ADGRB3: variants seen among roughly 807,000 people sequenced by gnomAD.
ADGRB3 encodes the protein adhesion G protein-coupled receptor B3, also known as brain-specific angiogenesis inhibitor 3.
In ADGRB3, 37 loss-of-function variants were observed where a neutral mutation model predicts 193.4. That is an observed-to-expected ratio of 0.19 (90% CI 0.15 to 0.25). The LOEUF (loss-of-function observed/expected upper bound fraction) is 0.25, where lower values mean the gene tolerates loss of function less well. Ranked by LOEUF, ADGRB3 falls within the 10% of genes least tolerant of loss-of-function variation. The pLI, the probability that ADGRB3 is intolerant of heterozygous loss-of-function variation, is 1.00. For synonymous variants in ADGRB3, 690 were observed against 644.2 expected (o/e 1.07, Z -1.08); for missense variants, 1,637 against 1,852.9 (o/e 0.88, Z 2.14).
chr6:68,660,702 T>C (rs1443171564), intron 3 of ADGRB3, among the ~76,000 whole-genome samples: 1 of 151,180 alleles, frequency 6.6e-6, no homozygotes, highest in African/African-American at 2.4e-5. Flanking sequence ...TCTAGCTAAA[T>C]GCTTCAATTA....
intron 3 of ADGRB3, among the ~76,000 whole-genome samples, chr6:68,801,936 AC>A (rs2127371389): frequency 1.3e-5 from 2 of 152,300 alleles, no homozygotes; most frequent in South Asian, 4.1e-4. Flanking sequence ...GACTTATGAG[AC>A]TTAGAGGAGA....
chr6:69,189,396 CT>C (rs1167997168), intron 17 of ADGRB3, among the ~76,000 whole-genome samples: 1 of 152,118 alleles, frequency 6.6e-6, no homozygotes, highest in African/African-American at 2.4e-5. Flanking sequence ...CACATTGATG[CT>C]GTTTCATATT....
chr6:68,786,457 T>C (rs1424969858), intron 3 of ADGRB3, among the ~76,000 whole-genome samples: 1 of 152,204 alleles, frequency 6.6e-6, no homozygotes, highest in African/African-American at 2.4e-5. Context: ...AAAGATCAGA[T>C]AGTTGTAGAT....
chr6:68,926,752 GT>G (rs140808974), intron 3 of ADGRB3, among the ~76,000 whole-genome samples: 5,135 of 152,138 alleles, frequency 0.034, 261 homozygotes, highest in African/African-American at 0.12. Flanking sequence ...ATGTGTTTGT[GT>G]TTTAACTTTT....
chr6:69,292,808 C>T (rs528867683), intron 20 of ADGRB3, among the ~76,000 whole-genome samples: 21 of 152,042 alleles, frequency 1.4e-4, no homozygotes, highest in African/African-American at 2.4e-4. Flanking sequence ...CATGCTGGTG[C>T]GCTGCACCCA....
chr6:68,832,071 T>G (rs527607212), intron 3 of ADGRB3, among the ~76,000 whole-genome samples: 3 of 152,314 alleles, frequency 2.0e-5, no homozygotes, highest in Admixed American at 6.5e-5. Context: ...TTCATTTTAA[T>G]TACTTGTACA....
chr6:69,368,407 T>C (rs1410701), intron 29 of ADGRB3, among the ~76,000 whole-genome samples: 115,053 of 152,012 alleles, frequency 0.76, 44,773 homozygotes, highest in East Asian at 0.95. Flanking sequence ...ATAGAACAGA[T>C]GGCACATGCT....
At chr6:68,991,482 C>T (rs916273947) in intron 10 of ADGRB3, among the ~76,000 whole-genome samples, 4 of 151,408 alleles carry the variant, frequency 2.6e-5, no homozygotes, top group Admixed American at 2.6e-4. Flanking sequence ...GGTAGGAAGT[C>T]AGGTAAGACC....
At chr6:68,815,635 GT>G (rs1562041517) in intron 3 of ADGRB3, among the ~76,000 whole-genome samples, 4 of 146,832 alleles carry the variant, frequency 2.7e-5, no homozygotes, top group African/African-American at 1.0e-4. Context: ...GTGTGTGTGT[GT>G]GTGTGCATGT....
At chr6:68,784,635 T>C (rs559667059) in intron 3 of ADGRB3, among the ~76,000 whole-genome samples, 87 of 152,276 alleles carry the variant, frequency 5.7e-4, no homozygotes, top group African/African-American at 2.0e-3. Flanking sequence ...TGCTGAATAT[T>C]TTTATATGAG....
chr6:68,842,399 A>C (rs1344519298), intron 3 of ADGRB3, among the ~76,000 whole-genome samples: 1 of 151,988 alleles, frequency 6.6e-6, no homozygotes, highest in Non-Finnish European at 1.5e-5. Context: ...ATATAACTAT[A>C]CACCTATAAA....
rs375104144 is a variant in ADGRB3, at chr6:69,273,274, G to A, written c.2814+34048G>A. On this transcript the variant is annotated intron_variant, in intron 20 of 31. Transcript: ENST00000370598. ...TTAGTTCTAGTAGGGTTCTGCTAGC[G>A]GAAGTTTACTGTTTGCAAATGGGAA... is the stretch of plus-strand genomic sequence containing the variant. Among the ~76,000 whole-genome samples, 7 of 152,252 alleles carry A rather than the reference G, an allele frequency of 4.6e-5. No individual in the cohort carries two copies. In the East Asian group the frequency reaches 7.7e-4, roughly 17 times the overall value.
At chr6:69,343,387 A>G (rs890299950) in intron 26 of ADGRB3, among the ~76,000 whole-genome samples, 2 of 127,910 alleles carry the variant, frequency 1.6e-5, no homozygotes, top group African/African-American at 6.0e-5. Flanking sequence ...TCCTGTGTCC[A>G]TGTGATCTCA....
chr6:69,231,395 T>C (rs1766132968), intron 17 of ADGRB3, among the ~76,000 whole-genome samples: 1 of 152,236 alleles, frequency 6.6e-6, no homozygotes, highest in Non-Finnish European at 1.5e-5. Flanking sequence ...GTGTAAGTAC[T>C]GGACTCCACT....
rs538586379 is a variant in ADGRB3 at position 69,164,861 on chromosome 6, G to A, written c.2481-68429G>A. The stretch of plus-strand genomic sequence containing the variant: ...TCTATTAGTTTCAAAGCTCTTTAAG[G>A]GCTTTCTATTCTTGGCAGCTAGCAC... On this transcript the variant is annotated intron_variant, in intron 17 of 31. Coordinates refer to ENST00000370598, the MANE Select transcript of ADGRB3 (RefSeq NM_001704.3). 5.3e-5 allele frequency among the ~76,000 whole-genome samples: 8 copies of A among 151,982 alleles called. No homozygotes were observed. In the South Asian group the frequency reaches 1.7e-3, roughly 32 times the overall value.
chr6:68,943,873 A>C lies in ADGRB3; in HGVS notation c.1074A>C (p.Ser358=), dbSNP rs750599232. Residue 358 remains serine (S), a synonymous_variant, in exon 6 of 32, where the codon TCA becomes TCC. Transcript: ENST00000370598. ...WEEWSPWSLC[S]FTCGRGQRTR... ...AATGGTCACCATGGAGTTTATGTTC[A>C]TTTACATGTGGTCGAGGCCAAAGAA... The C allele has an allele frequency of 6.2e-7, 1 of 1,613,664 alleles. No homozygotes were observed. The highest frequency in any genetic ancestry group is 1.3e-5 in the African/African-American group (1 of 74,890).
chr6:69,133,687 T>TTC (rs1774074860), intron 17 of ADGRB3, among the ~76,000 whole-genome samples: 1 of 151,266 alleles, frequency 6.6e-6, no homozygotes, highest in South Asian at 2.1e-4. Context: ...TCTTTTTTTT[T>TTC]CTTATTATTT....
chr6:69,086,751 G>T (rs1772561763), intron 17 of ADGRB3, among the ~76,000 whole-genome samples: 1 of 152,096 alleles, frequency 6.6e-6, no homozygotes, highest in Non-Finnish European at 1.5e-5. Flanking sequence ...TTATTGATTA[G>T]ACATATATCA....
At chr6:69,165,698 G>A (rs574459608) in intron 17 of ADGRB3, among the ~76,000 whole-genome samples, 5 of 151,884 alleles carry the variant, frequency 3.3e-5, no homozygotes, top group African/African-American at 1.2e-4. Context: ...TGTTTTTATA[G>A]TTTACTCACC....
Sources: allele counts gnomAD v4.1 joint callset (sites outside exome capture counted in the v4.1 genomes callset), GRCh38; gene constraint gnomAD v4.1.1; transcripts MANE v1.5; gene names NCBI Gene and HGNC (gene_info 2026-07-23, HGNC 2026-07-21).